PCDH15: variants seen among roughly 807,000 people sequenced by gnomAD.
The protein encoded by PCDH15 is protocadherin-15.
In PCDH15, 129 loss-of-function variants were observed where a neutral mutation model predicts 178.5. The observed-to-expected ratio is 0.72, with a 90% CI of 0.63 to 0.84. PCDH15 has a LOEUF of 0.84. Among genes scored for constraint, PCDH15 ranks in the 40% least tolerant of loss-of-function variants. The pLI, the probability that PCDH15 is intolerant of heterozygous loss-of-function variation, is 0.00. For synonymous variants in PCDH15, 800 were observed against 732.0 expected (o/e 1.09, Z -1.50); for missense variants, 2,230 against 2,099.9 (o/e 1.06, Z -1.21).
At chr10:53,964,535 G>A (rs539946835) in intron 21 of PCDH15, among the ~76,000 whole-genome samples, 1 of 133,976 alleles carries the variant, frequency 7.5e-6, no homozygotes, top group South Asian at 2.4e-4. Context: ...AAATTTATTT[G>A]CATAAATAAG....
At chr10:54,433,904 A>T (rs2075192250) in intron 3 of PCDH15, among the ~76,000 whole-genome samples, 1 of 152,184 alleles carries the variant, frequency 6.6e-6, no homozygotes, top group African/African-American at 2.4e-5. Flanking sequence ...CTTTCAGGAG[A>T]TATTGCACAA....
At chr10:53,841,712 C>T (rs1367167604) in intron 28 of PCDH15, among the ~76,000 whole-genome samples, 1 of 152,124 alleles carries the variant, frequency 6.6e-6, no homozygotes, top group East Asian at 1.9e-4. Context: ...ACTCCACGCC[C>T]ACTGGTCTCT....
intron 6 of PCDH15, among the ~76,000 whole-genome samples, chr10:54,345,066 G>A (rs929201250): frequency 1.3e-5 from 2 of 151,044 alleles, no homozygotes; most frequent in Non-Finnish European, 2.9e-5. Flanking sequence ...TAGAGGAAGA[G>A]TATACTGAAA....
At chr10:54,045,341 C>A (rs1018290909) in intron 18 of PCDH15, among the ~76,000 whole-genome samples, 1 of 152,012 alleles carries the variant, frequency 6.6e-6, no homozygotes, top group Non-Finnish European at 1.5e-5. Flanking sequence ...AGTAAGGGTC[C>A]CATTAAACCA....
intron 1 of PCDH15, among the ~76,000 whole-genome samples, chr10:55,213,433 G>T (rs1410310547): frequency 6.6e-6 from 1 of 151,940 alleles, no homozygotes; most frequent in Non-Finnish European, 1.5e-5. Flanking sequence ...GTTACCAGGG[G>T]TGTACTTTCA....
chr10:54,030,586 T>C lies in PCDH15; in HGVS notation c.2221-7389A>G, dbSNP rs570485426. Among the ~76,000 whole-genome samples the C allele has an allele frequency of 5.9e-5, 9 of 152,176 alleles. No homozygotes were observed. The East Asian group carries it at 1.7e-3, about 29-fold the overall frequency. ...AAAATCACTAAAAACATAACCAGAA[T>C]GAATAGCTTTTCATTCTAGTCCCTA... On this transcript the variant is annotated intron_variant, in intron 18 of 37. Coordinates refer to ENST00000644397, the MANE Select transcript of PCDH15 (RefSeq NM_001384140.1).
chr10:54,393,594 G>C (rs1468627861), intron 3 of PCDH15, among the ~76,000 whole-genome samples: 1 of 152,134 alleles, frequency 6.6e-6, no homozygotes, highest in Admixed American at 6.5e-5. Flanking sequence ...ATCACAAAAA[G>C]TTTCCATTCA....
At chr10:54,088,501 TG>T (rs1263585369) in intron 16 of PCDH15, among the ~76,000 whole-genome samples, 4 of 152,208 alleles carry the variant, frequency 2.6e-5, no homozygotes, top group African/African-American at 9.6e-5. Context: ...GATTGTAGGT[TG>T]TTTCTCACTT....
chr10:53,817,581 G>A (rs2076111720), intron 34 of PCDH15, among the ~76,000 whole-genome samples: 2 of 145,612 alleles, frequency 1.4e-5, no homozygotes, highest in African/African-American at 5.1e-5. Context: ...GAGTGCAGTG[G>A]CCTGATCTTG....
At chr10:55,476,065 T>C (rs934143402) in intron 2 of PCDH15, among the ~76,000 whole-genome samples, 4 of 152,090 alleles carry the variant, frequency 2.6e-5, no homozygotes, top group African/African-American at 9.7e-5. Flanking sequence ...CAATGTAGGC[T>C]CCATGAGGAC....
At chr10:53,890,629 G>A (rs1265324580) in intron 26 of PCDH15, among the ~76,000 whole-genome samples, 2 of 151,968 alleles carry the variant, frequency 1.3e-5, no homozygotes. Flanking sequence ...ATTAAAGAGA[G>A]AATTATCTTT....
Position 55,467,820 on chromosome 10 carries a change from G to A in PCDH15, c.-156+159805C>T, listed in dbSNP as rs1347824266. 1.3e-4 allele frequency among the ~76,000 whole-genome samples: 19 copies of A among 151,284 alleles called. No individual in the cohort carries two copies. The East Asian group carries it at 3.5e-3, about 28-fold the overall frequency. On this transcript the variant is annotated intron_variant, in intron 2 of 5. Transcript: ENST00000613346. ...CTCTACTAAAAATACAAAAAAAATA[G>A]CCGGAAGTGGAGGCGGGCACCTGTA...
At chr10:55,300,604 CTAAA>C (rs1383196190) in intron 1 of PCDH15, among the ~76,000 whole-genome samples, 2 of 152,044 alleles carry the variant, frequency 1.3e-5, no homozygotes, top group African/African-American at 4.8e-5. Context: ...CATATTTTAT[CTAAA>C]TAATGATGAG....
rs1841097476 is a variant in PCDH15 at position 53,805,586 on chromosome 10, A to G, written c.*993T>C. 1 of 152,064 alleles carries G rather than the reference A, an allele frequency of 6.6e-6. No homozygotes were observed. Among genetic ancestry groups the G allele is most frequent in the African/African-American group, 2.4e-5 (1 of 41,430 alleles). 9.4% of individuals were successfully genotyped at this position (152,064 alleles called of 1,614,324 possible). On this transcript the variant is annotated 3_prime_UTR_variant, in exon 38 of 38. Coordinates refer to ENST00000644397, the MANE Select transcript of PCDH15 (RefSeq NM_001384140.1). ...TGGAAGAAGTTAAACACAACATTTG[A>G]AGTTATGAATTCATAGCCTTTATAA...
chr10:53,811,718 C>G (rs559928385), intron 35 of PCDH15, 99 bp from the exon 36 acceptor site: 123 of 631,864 alleles, frequency 1.9e-4, no homozygotes, highest in Non-Finnish European at 2.8e-4. Context: ...ATTCTCAAAA[C>G]ATTCCTGCCA....
intron 2 of PCDH15, among the ~76,000 whole-genome samples, chr10:55,380,164 C>G (rs74136625): frequency 2.0e-3 from 308 of 152,098 alleles, no homozygotes; most frequent in African/African-American, 7.2e-3. Flanking sequence ...AAGTGACAGG[C>G]AATGTATGGA....
intron 2 of PCDH15, among the ~76,000 whole-genome samples, chr10:55,606,327 T>C (rs1353856752): frequency 7.6e-6 from 1 of 131,286 alleles, no homozygotes; most frequent in Admixed American, 7.9e-5. Context: ...CTGCCCAAGG[T>C]AATTTACAGA....
intron 2 of PCDH15, among the ~76,000 whole-genome samples, chr10:55,138,602 T>G (rs993933740): frequency 2.0e-5 from 3 of 152,134 alleles, no homozygotes; most frequent in Non-Finnish European, 2.9e-5. Context: ...GTTCTAGGTC[T>G]TCTGATGACA....
chr10:54,288,151 A>C (rs537232265), intron 8 of PCDH15, among the ~76,000 whole-genome samples: 2 of 151,978 alleles, frequency 1.3e-5, no homozygotes, highest in East Asian at 3.9e-4. Flanking sequence ...GTGAAACCCC[A>C]TCTCTACCAA....
Sources: gnomAD v4.1 joint callset for allele counts (sites outside exome capture counted in the v4.1 genomes callset) on GRCh38, gnomAD v4.1.1 for gene constraint, MANE v1.5 for transcripts, NCBI Gene and HGNC (gene_info 2026-07-23, HGNC 2026-07-21) for gene names.